RABGAP1L: variants seen among roughly 807,000 people sequenced by gnomAD.
RABGAP1L encodes RAB GTPase activating protein 1 like, also known as rab GTPase-activating protein 1-like.
RABGAP1L carries 63 observed loss-of-function variants against 137.7 expected under a neutral mutation model. The ratio of observed to expected loss-of-function variants is 0.46; its 90% CI spans 0.37 to 0.56. The LOEUF is 0.56. Ranked by LOEUF, RABGAP1L falls within the 20% of genes least tolerant of loss-of-function variation. The pLI is 0.00. For synonymous variants in RABGAP1L, 431 were observed against 433.7 expected, an observed-to-expected ratio of 0.99 and a Z score of 0.08; for missense variants, 1,095 against 1,244.0, an observed-to-expected ratio of 0.88 and a Z score of 1.80.
At chr1:174,839,057 T>TGTGTGTG (rs1693106722) in intron 19 of RABGAP1L, among the ~76,000 whole-genome samples, 7 of 56,582 alleles carry the variant, frequency 1.2e-4, no homozygotes, top group Non-Finnish European at 2.2e-4. Flanking sequence ...GTGTGTGTGT[T>TGTGTGTG]GGTAGGGGTG....
intron 10 of RABGAP1L, among the ~76,000 whole-genome samples, chr1:174,288,019 A>T (rs1676224698): frequency 6.6e-6 from 1 of 152,064 alleles, no homozygotes; most frequent in African/African-American, 2.4e-5. Flanking sequence ...TGTAATTACC[A>T]TGAGGCTTAC....
At chr1:174,697,680 A>C (rs1679368647) in intron 15 of RABGAP1L, among the ~76,000 whole-genome samples, 1 of 152,198 alleles carries the variant, frequency 6.6e-6, no homozygotes, top group African/African-American at 2.4e-5. Flanking sequence ...ATCTGAGAGG[A>C]AGATGAAGAG....
intron 14 of RABGAP1L, among the ~76,000 whole-genome samples, chr1:174,645,368 C>T (rs1369244492): frequency 1.3e-5 from 2 of 151,960 alleles, no homozygotes; most frequent in Admixed American, 6.6e-5. Context: ...AGGTATTTCT[C>T]CTAATGCTAT....
chr1:174,608,450 G>A (rs1487187414), intron 13 of RABGAP1L, among the ~76,000 whole-genome samples: 2 of 152,058 alleles, frequency 1.3e-5, no homozygotes, highest in African/African-American at 4.8e-5. Context: ...TATACAACTT[G>A]GTATTACAGT....
intron 13 of RABGAP1L, among the ~76,000 whole-genome samples, chr1:174,540,149 T>A (rs1237251475): frequency 6.6e-6 from 1 of 152,216 alleles, no homozygotes; most frequent in Non-Finnish European, 1.5e-5. Context: ...AGTTTGATTT[T>A]TTCTTGTAAA....
In RABGAP1L at chr1:174,541,602, C is replaced by T. The variant is rs191698152; in HGVS notation, c.1711-95773C>T. Among the ~76,000 whole-genome samples, 12 of 152,212 alleles carry T rather than the reference C, an allele frequency of 7.9e-5. No individual in the cohort carries two copies. In the East Asian group the frequency reaches 2.1e-3, roughly 27 times the overall value. ...CCATCCTGGCTAACACAGTGAAACT[C>T]TGTATCTACTAAAAATACAAAAAAT... On this transcript the variant is annotated intron_variant, in intron 13 of 25. Transcript: ENST00000681986.
At chr1:174,973,535 A>T (rs946102663) in intron 21 of RABGAP1L, among the ~76,000 whole-genome samples, 16 of 151,416 alleles carry the variant, frequency 1.1e-4, no homozygotes, top group African/African-American at 3.9e-4. Flanking sequence ...CAGGTGCCCA[A>T]AACCATGCCT....
intron 18 of RABGAP1L, among the ~76,000 whole-genome samples, chr1:174,792,772 A>G (rs1687957815): frequency 6.6e-6 from 1 of 152,230 alleles, no homozygotes; most frequent in African/African-American, 2.4e-5. Context: ...TATGTACAGT[A>G]TAGCCCTTTC....
chr1:174,599,376 C>G (rs922009100), intron 13 of RABGAP1L, among the ~76,000 whole-genome samples: 2 of 151,900 alleles, frequency 1.3e-5, no homozygotes, highest in African/African-American at 4.8e-5. Context: ...GTTTACAGAC[C>G]ACTGTTACAG....
rs775110151 is a variant in RABGAP1L, at chr1:174,241,655, G to A, written c.715G>A (p.Ala239Thr). The change falls in exon 5 of 26, where the codon GCA becomes ACA. Residue 239 changes from alanine (A) to threonine (T), a missense_variant and splice_region_variant. This residue lies in a region of RABGAP1L where 356 missense variants were observed against 326.3 expected (regional missense o/e 1.09). Coordinates refer to ENST00000681986, the MANE Select transcript of RABGAP1L (RefSeq NM_001366446.1). ...TGTTTTCTCCTGTGAAATTAAAGAG[G>A]CAGTAAGTATAATATAGTATAGCAA... ...IHVFSCEIKE[A>T]VSRILYSFCT... The A allele has an allele frequency of 5.6e-6, 9 of 1,609,674 alleles. No homozygotes were observed. In the South Asian group the frequency reaches 7.7e-5, roughly 14 times the overall value.
At chr1:174,676,633 C>G (rs938150581) in intron 14 of RABGAP1L, among the ~76,000 whole-genome samples, 4 of 152,132 alleles carry the variant, frequency 2.6e-5, no homozygotes, top group Non-Finnish European at 4.4e-5. Context: ...AGAAATGTAT[C>G]TATTTTCCAA....
At chr1:174,252,652 G>A (rs1048825741) in intron 7 of RABGAP1L, 62 bp downstream of exon 7, 30 of 1,560,982 alleles carry the variant, frequency 1.9e-5, no homozygotes, top group Non-Finnish European at 2.4e-5. Flanking sequence ...TGTCTCAGAT[G>A]CATTGCTCAG....
chr1:174,190,296 C>T (rs547462528), intron 1 of RABGAP1L, among the ~76,000 whole-genome samples: 71 of 117,050 alleles, frequency 6.1e-4, no homozygotes, highest in Middle Eastern at 4.3e-3. Context: ...AGCGAGACTC[C>T]GTTGCAAAAA....
intron 9 of RABGAP1L, among the ~76,000 whole-genome samples, 187 bp downstream of exon 9, chr1:174,276,122 CA>C (rs1390046166): frequency 1.3e-5 from 2 of 151,942 alleles, no homozygotes; most frequent in Non-Finnish European, 2.9e-5. Context: ...AAATCCTCCC[CA>C]AAAGATATGT....
chr1:174,948,096 A>C (rs1024849199), intron 19 of RABGAP1L, among the ~76,000 whole-genome samples: 1 of 152,170 alleles, frequency 6.6e-6, no homozygotes, highest in Admixed American at 6.5e-5. Context: ...AAACTGCCTG[A>C]GTAGCTTTGT....
At chr1:174,496,944 A>G (rs1660789066) in intron 13 of RABGAP1L, among the ~76,000 whole-genome samples, 1 of 152,222 alleles carries the variant, frequency 6.6e-6, no homozygotes, top group South Asian at 2.1e-4. Context: ...AAAATGATAT[A>G]AAATGTAGAA....
chr1:174,515,154 T>C (rs1262706176), intron 13 of RABGAP1L, among the ~76,000 whole-genome samples: 4 of 152,178 alleles, frequency 2.6e-5, no homozygotes, highest in Admixed American at 2.6e-4. Context: ...GTACAACAGA[T>C]CTCTTGAATT....
At chr1:174,610,529 C>G (rs1372054735) in intron 13 of RABGAP1L, among the ~76,000 whole-genome samples, 1 of 152,042 alleles carries the variant, frequency 6.6e-6, no homozygotes, top group African/African-American at 2.4e-5. Context: ...GTGCACGTGT[C>G]TTTATAGCAG....
At chr1:174,604,574 T>G (rs1159153917) in intron 13 of RABGAP1L, among the ~76,000 whole-genome samples, 1 of 152,206 alleles carries the variant, frequency 6.6e-6, no homozygotes, top group Non-Finnish European at 1.5e-5. Context: ...TTCGATTTGG[T>G]ATTCCTGTGG....
Sources: gnomAD v4.1 joint callset for allele counts (sites outside exome capture counted in the v4.1 genomes callset) on GRCh38, gnomAD v4.1.1 for gene constraint, gnomAD v4.1.1 regional missense constraint, MANE v1.5 for transcripts, NCBI Gene and HGNC (gene_info 2026-07-23, HGNC 2026-07-21) for gene names.